The following ADH7 variants were observed in gnomAD, a reference collection of about 807,000 sequenced individuals.
ADH7 encodes all-trans-retinol dehydrogenase [NAD(+)] ADH7.
Under a neutral mutation model 34.4 loss-of-function variants are expected in ADH7, and 41 were observed. The observed-to-expected ratio is 1.19, with a 90% confidence interval of 0.93 to 1.55. ADH7 has a LOEUF of 1.55. Among genes scored for constraint, ADH7 ranks in the 40% most tolerant of loss-of-function variants. ADH7 has a pLI of 0.00. For missense variants in ADH7, 540 were observed against 461.2 expected (o/e 1.17, Z -1.56); for synonymous variants, 180 against 160.9 (o/e 1.12, Z -0.90).
Position 99,420,733 on chromosome 4 carries a change from T to C in ADH7, c.625A>G (p.Met209Val). The change falls in exon 6 of 9, where the codon ATG (methionine) becomes GTG (valine). Residue 209 changes from methionine to valine, a missense_variant. Coordinates refer to ENST00000437033, the MANE Select transcript of ADH7 (RefSeq NM_000673.7). ...GLGGVGLSVIMGCKSAGASRI... is the reference protein window; with the variant it reads ...GLGGVGLSVIVGCKSAGASRI... ...GATGCACCAGCTGACTTACAGCCCA[T>C]GATGACTGACAGGCCAACTCCTCCC... is the stretch of plus-strand genomic sequence containing the variant. 6.2e-7 allele frequency: 1 copy of C among 1,613,868 alleles called. No individual in the cohort carries two copies.
rs987021010 is a variant in ADH7 at position 99,415,813 on chromosome 4, T to A, written c.962-197A>T. Reference sequence around the variant, plus strand: ...AGCCATAAAAAAGAATGAGTTCATGTCCTTTGCAGGGACATGGATGAAGCT... The same window carrying A: ...AGCCATAAAAAAGAATGAGTTCATGACCTTTGCAGGGACATGGATGAAGCT... On this transcript the variant is annotated intron_variant, in intron 7 of 8. Transcript: ENST00000437033. 8 of 440,004 alleles carry A rather than the reference T, an allele frequency of 1.8e-5. No individual in the cohort carries two copies. In the Admixed American group the frequency reaches 3.1e-4, roughly 17 times the overall value. The allele number at this position is 440,004 out of a possible 1,614,324, so 27.3% of individuals were successfully genotyped here.
chr4:99,422,284 A>G (rs761979584), intron 5 of ADH7, among the ~76,000 whole-genome samples: 4 of 152,272 alleles, frequency 2.6e-5, no homozygotes, highest in Non-Finnish European at 4.4e-5. Context: ...CTGGATAAAG[A>G]AAATGTAGTA....
intron 1 of ADH7, among the ~76,000 whole-genome samples, chr4:99,432,306 G>C (rs1309856301): frequency 6.6e-6 from 1 of 152,058 alleles, no homozygotes; most frequent in Non-Finnish European, 1.5e-5. Flanking sequence ...GGACACCAGG[G>C]CCCATTTGAG....
At chr4:99,414,176 T>G (rs1359958597) in intron 8 of ADH7, among the ~76,000 whole-genome samples, 1 of 152,124 alleles carries the variant, frequency 6.6e-6, no homozygotes, top group Non-Finnish European at 1.5e-5. Flanking sequence ...CTTATCTGAG[T>G]AAAGTAGTAC....
chr4:99,425,900 G>C (rs1374070782), intron 5 of ADH7, among the ~76,000 whole-genome samples: 1 of 152,046 alleles, frequency 6.6e-6, no homozygotes, highest in Non-Finnish European at 1.5e-5. Flanking sequence ...TCAGGATTAA[G>C]AAACTCACTC....
intron 7 of ADH7, among the ~76,000 whole-genome samples, chr4:99,416,633 A>C (rs149004799): frequency 3.0e-3 from 455 of 151,998 alleles, no homozygotes; most frequent in African/African-American, 0.01. Flanking sequence ...TCCTTGGTCC[A>C]TTTCTGTTCT....
chr4:99,413,467 A>G (rs1434583518), intron 8 of ADH7, among the ~76,000 whole-genome samples: 2 of 152,200 alleles, frequency 1.3e-5, no homozygotes, highest in African/African-American at 4.8e-5. Flanking sequence ...CAGGAAAGGT[A>G]ATCCAATATG....
chr4:99,418,969 G>A lies in ADH7; in HGVS notation c.961+17C>T, dbSNP rs1458346954. 5 of 1,612,784 alleles carry A rather than the reference G, an allele frequency of 3.1e-6. No individual in the cohort carries two copies. Among genetic ancestry groups the A allele is most frequent in the Non-Finnish European group, 4.2e-6 (5 of 1,179,346 alleles). On this transcript the variant is annotated intron_variant, in intron 7 of 8. Transcript: ENST00000437033. ...TGAAAGCCATCACTCCCCATCCAGA[G>A]GCTTTGCTTTCCTGACCTCCAAAGA...
chr4:99,425,976 A>T (rs80329335), intron 5 of ADH7, among the ~76,000 whole-genome samples: 36,873 of 151,980 alleles, frequency 0.24, 4,564 homozygotes, highest in Middle Eastern at 0.27. Flanking sequence ...ACATAACGAA[A>T]TGAAGGCAGA....
At chr4:99,422,016 T>G (rs1433881450) in intron 5 of ADH7, among the ~76,000 whole-genome samples, 1 of 152,032 alleles carries the variant, frequency 6.6e-6, no homozygotes, top group Non-Finnish European at 1.5e-5. Flanking sequence ...ATGCTCGTGA[T>G]GCTATGGAGA....
intron 8 of ADH7, 74 bp downstream of exon 8, chr4:99,415,403 CA>C (rs1382191635): frequency 7.1e-7 from 1 of 1,412,020 alleles, no homozygotes; most frequent in Non-Finnish European, 9.8e-7. Context: ...ATGAAGAAAA[CA>C]GGCACATTTA....
intron 8 of ADH7, 74 bp from the exon 9 acceptor site, chr4:99,413,246 C>G: frequency 6.6e-7 from 1 of 1,515,754 alleles, no homozygotes; most frequent in Non-Finnish European, 9.1e-7. Flanking sequence ...AACAATTGTC[C>G]TTTCTATCTG....
intron 1 of ADH7, 98 bp from the exon 2 acceptor site, chr4:99,429,731 T>C (rs1721898231): frequency 1.3e-6 from 1 of 790,106 alleles, no homozygotes; most frequent in African/African-American, 1.8e-5. Context: ...ATATATAATA[T>C]TTTAAGTTTT....
At chr4:99,427,311 A>G (rs1179359027) in intron 5 of ADH7, among the ~76,000 whole-genome samples, 1 of 152,198 alleles carries the variant, frequency 6.6e-6, no homozygotes, top group African/African-American at 2.4e-5. Flanking sequence ...TGCTCTTTAT[A>G]TTATCTATAA....
Position 99,419,077 on chromosome 4 carries a change from C to A in ADH7, c.870G>T (p.Val290=). ...TGGCTGATGGAGGAACTCCTACAACCACGCTGGTCCCATAGTTCATGTGGC... is the reference window on the plus strand; with the variant it reads ...TGGCTGATGGAGGAACTCCTACAACAACGCTGGTCCCATAGTTCATGTGGC... ...ASCHMNYGTS[V]VVGVPPSAKM... Residue 290 remains valine, a synonymous_variant, in exon 7 of 9, where the codon GTG becomes GTT. Transcript: ENST00000437033. The A allele has an allele frequency of 3.7e-6, 6 of 1,613,826 alleles. No homozygotes were observed. Among genetic ancestry groups the A allele is most frequent in the Non-Finnish European group, 5.1e-6 (6 of 1,179,848 alleles).
chr4:99,432,269 AC>A (rs1308541978), intron 1 of ADH7, among the ~76,000 whole-genome samples: 1 of 152,178 alleles, frequency 6.6e-6, no homozygotes, highest in Non-Finnish European at 1.5e-5. Context: ...AATATTGAGT[AC>A]CTATGGACAC....
intron 6 of ADH7, 68 bp downstream of exon 6, chr4:99,420,465 A>C: frequency 6.7e-7 from 1 of 1,486,404 alleles, no homozygotes; most frequent in South Asian, 1.2e-5. Context: ...AGTTATAGAC[A>C]ATTAAATTTA....
intron 5 of ADH7, among the ~76,000 whole-genome samples, chr4:99,424,760 T>A (rs1301193821): frequency 6.6e-6 from 1 of 152,162 alleles, no homozygotes; most frequent in Admixed American, 6.6e-5. Context: ...GCTTATCAGC[T>A]TAAGGAGATT....
intron 1 of ADH7, 28 bp from the exon 2 acceptor site, chr4:99,429,661 G>T (rs1384780770): frequency 2.0e-6 from 3 of 1,531,158 alleles, no homozygotes; most frequent in Non-Finnish European, 2.7e-6. Context: ...ATTATAATGG[G>T]TCTGAATTAT....
Sources: allele counts gnomAD v4.1 joint callset (sites outside exome capture counted in the v4.1 genomes callset), GRCh38; gene constraint gnomAD v4.1.1; transcripts MANE v1.5; gene names NCBI Gene and HGNC (gene_info 2026-07-23, HGNC 2026-07-21).